The following DIAPH2 variants were observed in gnomAD, a reference collection of about 807,000 sequenced individuals.
The protein encoded by DIAPH2 is diaphanous related formin 2.
In DIAPH2, 35 loss-of-function variants were observed where a neutral mutation model predicts 92.7. The observed-to-expected ratio is 0.38, with a 90% CI of 0.29 to 0.50. The LOEUF (loss-of-function observed/expected upper bound fraction) is 0.50. Ranked by LOEUF, DIAPH2 falls within the 20% of genes least tolerant of loss-of-function variation. The pLI, the probability that DIAPH2 is intolerant of heterozygous loss-of-function variation, is 0.94. For synonymous variants in DIAPH2, 301 were observed against 280.4 expected (o/e 1.07, Z -0.73); for missense variants, 701 against 819.5 (o/e 0.86, Z 1.77).
chrX:96,987,109 C>T (rs188086539), intron 17 of DIAPH2, among the ~76,000 whole-genome samples: 1 of 111,080 alleles, frequency 9.0e-6, no homozygotes, highest in East Asian at 2.8e-4. Context: ...TACACACCTC[C>T]CTTCTCTCAC....
rs1555982480 is a variant in DIAPH2, at chrX:97,090,334, T to TG, written c.2248-9359dup. Among the ~76,000 whole-genome samples, 9 of 65,237 alleles carry TG rather than the reference T, an allele frequency of 1.4e-4. 1 individual carries two copies. Among genetic ancestry groups the TG allele is most frequent in the African/African-American group, 6.1e-4 (9 of 14,793 alleles). 56.7% of individuals were successfully genotyped at this position (65,237 alleles called of 115,157 possible). On this transcript the variant is annotated intron_variant, in intron 19 of 26. Coordinates refer to ENST00000324765, the MANE Select transcript of DIAPH2 (RefSeq NM_006729.5). ...TTTTTTTTTTTTTTTTTTTTTTTTT[T>TG]GAGAAAGAGCTCTGGGGCAGTGGGC...
At chrX:97,107,057 T>C (rs2066946849) in intron 20 of DIAPH2, among the ~76,000 whole-genome samples, 1 of 112,746 alleles carries the variant, frequency 8.9e-6, no homozygotes. Context: ...GGACACACAA[T>C]GTTATTGTAT....
chrX:97,108,776 T>A (rs564449574), intron 20 of DIAPH2, among the ~76,000 whole-genome samples: 1 of 112,053 alleles, frequency 8.9e-6, no homozygotes, highest in African/African-American at 3.2e-5. Flanking sequence ...GAATTAAAAA[T>A]AGCTAAATAA....
At chrX:97,368,497 A>T (rs1025826266) in intron 24 of DIAPH2, among the ~76,000 whole-genome samples, 3 of 111,903 alleles carry the variant, frequency 2.7e-5, no homozygotes, top group African/African-American at 9.7e-5. Context: ...ATTTTTTTTT[A>T]AAAGAAATCT....
chrX:97,130,641 C>G (rs1167773602), intron 21 of DIAPH2, among the ~76,000 whole-genome samples: 1 of 111,285 alleles, frequency 9.0e-6, no homozygotes, highest in Admixed American at 9.6e-5. Flanking sequence ...GTAACAGTTT[C>G]AGTATAGGAT....
At chrX:97,525,325 C>T (rs921029183) in intron 26 of DIAPH2, among the ~76,000 whole-genome samples, 9 of 112,173 alleles carry the variant, frequency 8.0e-5, no homozygotes, top group African/African-American at 2.9e-4. Context: ...CCCACTGTGT[C>T]CCCCTGCCTG....
intron 21 of DIAPH2, among the ~76,000 whole-genome samples, chrX:97,124,884 A>G (rs2067081610): frequency 9.0e-6 from 1 of 111,579 alleles, no homozygotes; most frequent in African/African-American, 3.3e-5. Context: ...CTCTGCAAAC[A>G]CATGACCTTT....
chrX:97,269,757 T>A (rs60109544), intron 23 of DIAPH2, among the ~76,000 whole-genome samples: 1,867 of 106,666 alleles, frequency 0.018, 43 homozygotes, highest in African/African-American at 0.052. Flanking sequence ...TTTTATTTTT[T>A]TTTTTTTTTT....
Position 97,600,599 on chromosome X carries a change from TACTTA to T in DIAPH2, c.*1287_*1291del, listed in dbSNP as rs1198812131. 2 of 112,532 alleles carry T rather than the reference TACTTA, an allele frequency of 1.8e-5. No homozygotes were observed. The highest frequency in any genetic ancestry group is 3.8e-5 in the Non-Finnish European group (2 of 53,232). 9.3% of individuals were successfully genotyped at this position (112,532 alleles called of 1,213,427 possible). A position where few individuals can be genotyped will look rare whatever the true frequency, so the allele number is the denominator to read the frequency against. ...TAAATAAATTAGGGAGTAAAAGTTA[TACTTA>T]ACTTGTCTGTCTATTATTTTAAAAT... On this transcript the variant is annotated 3_prime_UTR_variant, in exon 27 of 27. Transcript: ENST00000324765.
Position 97,261,970 on chromosome X carries a change from T to G in DIAPH2, c.2844+14131T>G, listed in dbSNP as rs188537272. Reference sequence around the variant, plus strand: ...GTATTGATATTATAATATTGTGACATCATTCCTACTGGTCACAAATTCATC... The same window carrying G: ...GTATTGATATTATAATATTGTGACAGCATTCCTACTGGTCACAAATTCATC... On this transcript the variant is annotated intron_variant, in intron 23 of 26. Coordinates refer to ENST00000324765, the MANE Select transcript of DIAPH2 (RefSeq NM_006729.5). Among the ~76,000 whole-genome samples, 74 of 109,509 alleles carry G rather than the reference T, an allele frequency of 6.8e-4. No homozygotes were observed. The Middle Eastern group carries it at 0.033, about 50-fold the overall frequency.
chrX:97,318,692 C>T (rs2068863788), intron 23 of DIAPH2, among the ~76,000 whole-genome samples: 2 of 107,502 alleles, frequency 1.9e-5, no homozygotes, highest in South Asian at 8.3e-4. Context: ...ACCATGTTGG[C>T]CAGGTTGGTC....
chrX:97,021,975 A>T (rs750049640), intron 17 of DIAPH2, among the ~76,000 whole-genome samples: 1 of 112,165 alleles, frequency 8.9e-6, no homozygotes, highest in South Asian at 3.7e-4. Context: ...CAGTTGTTAT[A>T]ATGGAAGCAT....
At chrX:96,979,952 G>C (rs1001717400) in intron 17 of DIAPH2, among the ~76,000 whole-genome samples, 3 of 111,213 alleles carry the variant, frequency 2.7e-5, no homozygotes, top group Non-Finnish European at 5.7e-5. Context: ...GTTGGTGCAG[G>C]AGCCAGGGTG....
At chrX:96,758,640 A>G (rs1027118015) in intron 4 of DIAPH2, among the ~76,000 whole-genome samples, 6 of 112,235 alleles carry the variant, frequency 5.3e-5, no homozygotes, top group African/African-American at 1.9e-4. Flanking sequence ...TTAAGTTTAC[A>G]TTAAAGCTAC....
intron 1 of DIAPH2, among the ~76,000 whole-genome samples, chrX:96,708,589 C>T (rs947820551): frequency 8.9e-6 from 1 of 111,790 alleles, no homozygotes; most frequent in African/African-American, 3.2e-5. Flanking sequence ...TACCTCTTCC[C>T]AAACTTGATT....
chrX:97,162,804 C>T (rs764719172), intron 22 of DIAPH2, among the ~76,000 whole-genome samples: 4 of 111,845 alleles, frequency 3.6e-5, no homozygotes, highest in Non-Finnish European at 7.5e-5. Flanking sequence ...CATGAGCCAC[C>T]GTGTTCCTTT....
intron 17 of DIAPH2, among the ~76,000 whole-genome samples, chrX:97,046,171 T>G (rs948847487): frequency 1.0e-4 from 11 of 109,065 alleles, no homozygotes; most frequent in African/African-American, 3.7e-4. Flanking sequence ...TTATGTGGTT[T>G]TTTTTTTTTA....
intron 20 of DIAPH2, among the ~76,000 whole-genome samples, chrX:97,103,925 C>T (rs2066922103): frequency 9.0e-6 from 1 of 111,473 alleles, no homozygotes; most frequent in East Asian, 2.8e-4. Context: ...AGGACCATTG[C>T]ACATGCTGCT....
chrX:97,211,784 A>G (rs1002008633), intron 22 of DIAPH2, among the ~76,000 whole-genome samples: 1 of 111,759 alleles, frequency 8.9e-6, no homozygotes, highest in Non-Finnish European at 1.9e-5. Context: ...AACTCTGAAA[A>G]TCAGTAGTGT....
Sources: gnomAD v4.1 joint callset for allele counts (sites outside exome capture counted in the v4.1 genomes callset) on GRCh38, gnomAD v4.1.1 for gene constraint, MANE v1.5 for transcripts, NCBI Gene and HGNC (gene_info 2026-07-23, HGNC 2026-07-21) for gene names.